The following PTK2B variants were observed in gnomAD, a reference collection of about 807,000 sequenced individuals.
PTK2B encodes protein-tyrosine kinase 2-beta.
PTK2B carries 71 observed loss-of-function variants against 142.9 expected under a neutral mutation model. The observed-to-expected ratio is 0.50, with a 90% CI of 0.41 to 0.61. The LOEUF (loss-of-function observed/expected upper bound fraction) is 0.61, where lower values mean the gene tolerates loss of function less well. Among genes scored for constraint, PTK2B ranks in the 20% least tolerant of loss-of-function variants. The pLI, the probability that PTK2B is intolerant of heterozygous loss-of-function variation, is 0.00. For missense variants in PTK2B, 1,105 were observed against 1,320.4 expected, an observed-to-expected ratio of 0.84 and a Z score of 2.53; for synonymous variants, 519 against 503.4, an observed-to-expected ratio of 1.03 and a Z score of -0.42.
chr8:27,425,037 A>G (rs1014150710), intron 5 of PTK2B, among the ~76,000 whole-genome samples: 2 of 152,184 alleles, frequency 1.3e-5, no homozygotes, highest in Non-Finnish European at 2.9e-5. Flanking sequence ...GTAAAATAGG[A>G]ATGATAATAG....
chr8:27,371,285 A>G (rs1176717941), intron 1 of PTK2B, among the ~76,000 whole-genome samples: 1 of 152,156 alleles, frequency 6.6e-6, no homozygotes, highest in Non-Finnish European at 1.5e-5. Context: ...TGAGGGAGCT[A>G]CACAGAGGGC....
chr8:27,405,035 C>CCTCTGTCTCTCTCTCT (rs1808621149), intron 2 of PTK2B, among the ~76,000 whole-genome samples: 1 of 119,570 alleles, frequency 8.4e-6, no homozygotes, highest in African/African-American at 3.5e-5. Context: ...TCTTTCTCTT[C>CCTCTGTCTCTCTCTCT]CTCTCTCTCT....
At chr8:27,437,526 G>A in intron 17 of PTK2B, 30 bp downstream of exon 17, 1 of 1,533,814 alleles carries the variant, frequency 6.5e-7, no homozygotes, top group Non-Finnish European at 8.9e-7. Flanking sequence ...GATGACAACT[G>A]GGCTGCAGCA....
chr8:27,371,217 A>G (rs1461009549), intron 1 of PTK2B, among the ~76,000 whole-genome samples: 3 of 152,120 alleles, frequency 2.0e-5, no homozygotes, highest in African/African-American at 7.2e-5. Context: ...TATAAGCCCC[A>G]GTGGAATGTC....
rs183191578 is a variant in PTK2B at position 27,336,063 on chromosome 8, C to T, written c.-38+10382C>T. ...ATGTGTCATGGGAGCTGGAGAATGG[C>T]TGTAGGTGCAAATGGACTTGGAAAA... On this transcript the variant is annotated intron_variant, in intron 1 of 30. Coordinates refer to ENST00000346049, the MANE Select transcript of PTK2B (RefSeq NM_173176.3). Among the ~76,000 whole-genome samples the T allele has an allele frequency of 9.9e-5, 15 of 152,168 alleles. No individual in the cohort carries two copies. In the East Asian group the frequency reaches 1.7e-3, roughly 18 times the overall value.
At chr8:27,320,433 C>T (rs943320889) in intron 3 of PTK2B, among the ~76,000 whole-genome samples, 8 of 152,166 alleles carry the variant, frequency 5.3e-5, no homozygotes, top group African/African-American at 1.9e-4. Flanking sequence ...CCCCACCCTG[C>T]CACCCCGCTC....
chr8:27,454,596 A>T lies in PTK2B; in HGVS notation c.2799A>T (p.Ser933=). ...SVDDLLPSLP[S]SSRTEIEGTQ... ...ATGATCTCCTGCCTTCCTTGCCGTC[A>T]TCTTCACGGACAGAGGTGAGCGTCC... The change falls in exon 30 of 31, where the codon TCA becomes TCT. Residue 933 remains serine, a synonymous_variant. Coordinates refer to ENST00000346049, the MANE Select transcript of PTK2B (RefSeq NM_173176.3). 1.2e-6 allele frequency: 2 copies of T among 1,614,084 alleles called. No homozygotes were observed. Among genetic ancestry groups the T allele is most frequent in the Non-Finnish European group, 1.7e-6 (2 of 1,179,980 alleles).
At chr8:27,424,492 G>A (rs988405743) in intron 5 of PTK2B, among the ~76,000 whole-genome samples, 2 of 152,224 alleles carry the variant, frequency 1.3e-5, no homozygotes, top group African/African-American at 4.8e-5. Context: ...TCCTGAGTGT[G>A]AGGAACAGAG....
chr8:27,355,822 G>A (rs1356374643), intron 1 of PTK2B, among the ~76,000 whole-genome samples: 1 of 152,140 alleles, frequency 6.6e-6, no homozygotes, highest in African/African-American at 2.4e-5. Flanking sequence ...AGGAGTTTGA[G>A]ACCAGCCTGG....
chr8:27,349,945 C>T (rs1484314271), intron 1 of PTK2B, among the ~76,000 whole-genome samples: 1 of 152,226 alleles, frequency 6.6e-6, no homozygotes, highest in Non-Finnish European at 1.5e-5. Flanking sequence ...CTTCCACTCT[C>T]TGTTCACAGG....
intron 2 of PTK2B, among the ~76,000 whole-genome samples, chr8:27,405,816 A>C (rs1417801598): frequency 2.0e-5 from 3 of 152,222 alleles, no homozygotes; most frequent in Non-Finnish European, 4.4e-5. Context: ...ATCACGTCAA[A>C]ATGAATGCTT....
At chr8:27,432,431 C>T in intron 10 of PTK2B, 70 bp downstream of exon 10, 4 of 1,464,986 alleles carry the variant, frequency 2.7e-6, no homozygotes, top group Middle Eastern at 1.8e-4. Context: ...GGAGCTCTTG[C>T]TCAGACCAAA....
At chr8:27,333,437 T>A (rs926385447) in intron 1 of PTK2B, among the ~76,000 whole-genome samples, 1 of 152,168 alleles carries the variant, frequency 6.6e-6, no homozygotes, top group African/African-American at 2.4e-5. Context: ...AGAGCTTGAA[T>A]TCGCAAGGGA....
intron 2 of PTK2B, among the ~76,000 whole-genome samples, chr8:27,419,207 A>G (rs188078872): frequency 6.6e-6 from 1 of 152,338 alleles, no homozygotes; most frequent in Admixed American, 6.5e-5. Context: ...GAAAGCAGGA[A>G]CAAGAGGGCA....
At chr8:27,403,409 G>T (rs950035226) in intron 2 of PTK2B, among the ~76,000 whole-genome samples, 4 of 152,112 alleles carry the variant, frequency 2.6e-5, no homozygotes, top group Non-Finnish European at 5.9e-5. Context: ...TTCTGCAGAC[G>T]TAGTAGCTTC....
chr8:27,341,366 C>A (rs1462767531), intron 1 of PTK2B, among the ~76,000 whole-genome samples: 2 of 152,172 alleles, frequency 1.3e-5, no homozygotes, highest in African/African-American at 4.8e-5. Context: ...TGTTCAGATG[C>A]GGAGAAGTTT....
At position 27,431,261 on chromosome 8, in the gene PTK2B, T is replaced by C. The variant is rs940563934; in HGVS notation, c.811-137T>C. ...AGGTGTCAGGAGGGGAAGATCCATA[T>C]GGCCAGGGTTTCGGTGAGAAGGAGC... is the stretch of plus-strand genomic sequence containing the variant. On this transcript the variant is annotated intron_variant, in intron 8 of 30. Transcript: ENST00000346049. 9 of 1,538,008 alleles carry C rather than the reference T, an allele frequency of 5.9e-6. No individual in the cohort carries two copies. In the Admixed American group the frequency reaches 1.8e-4, roughly 31 times the overall value.
At chr8:27,436,749 A>G (rs1010095285) in intron 15 of PTK2B, among the ~76,000 whole-genome samples, 8 of 149,528 alleles carry the variant, frequency 5.4e-5, no homozygotes, top group African/African-American at 2.1e-4. Context: ...CCAGGGGAAG[A>G]AAGAAAGAGG....
chr8:27,455,610 A>T (rs997084521), intron 30 of PTK2B, among the ~76,000 whole-genome samples: 6 of 151,580 alleles, frequency 4.0e-5, no homozygotes, highest in Non-Finnish European at 8.8e-5. Context: ...AGGGTGACAG[A>T]TGTGATGGAT....
Sources: allele counts gnomAD v4.1 joint callset (sites outside exome capture counted in the v4.1 genomes callset), GRCh38; gene constraint gnomAD v4.1.1; transcripts MANE v1.5; gene names NCBI Gene and HGNC (gene_info 2026-07-23, HGNC 2026-07-21).